The following GUCY2F variants were observed in gnomAD, a reference collection of about 807,000 sequenced individuals.
GUCY2F encodes the protein retinal guanylyl cyclase 2.
In GUCY2F, 61 loss-of-function variants were observed where a neutral mutation model predicts 73.1. The observed-to-expected ratio is 0.83, with a 90% CI of 0.68 to 1.03. The LOEUF (loss-of-function observed/expected upper bound fraction) is 1.03. GUCY2F is among the 50% of genes least tolerant of loss of function. GUCY2F has a pLI of 0.00. For missense variants in GUCY2F, 912 were observed against 854.3 expected (o/e 1.07, Z -0.84); for synonymous variants, 331 against 307.8 (o/e 1.08, Z -0.79).
At chrX:109,464,288 A>T (rs1932421961) in intron 3 of GUCY2F, among the ~76,000 whole-genome samples, 1 of 108,057 alleles carries the variant, frequency 9.3e-6, no homozygotes, top group Admixed American at 9.8e-5. Flanking sequence ...TCCCCTCCTC[A>T]CTCCTTTTTC....
At chrX:109,413,938 A>C (rs1354290698) in intron 8 of GUCY2F, among the ~76,000 whole-genome samples, 1 of 109,810 alleles carries the variant, frequency 9.1e-6, no homozygotes, top group Non-Finnish European at 1.9e-5. Context: ...TTGACAAGAA[A>C]ATTTTCTTTC....
chrX:109,383,113 TCA>T (rs1930356819), intron 16 of GUCY2F, among the ~76,000 whole-genome samples: 1 of 111,958 alleles, frequency 8.9e-6, no homozygotes, highest in Non-Finnish European at 1.9e-5. Context: ...CTGTGTATAC[TCA>T]CAGTGACTTT....
At chrX:109,453,118 AT>A (rs1188030590) in intron 4 of GUCY2F, among the ~76,000 whole-genome samples, 2 of 111,663 alleles carry the variant, frequency 1.8e-5, no homozygotes, top group African/African-American at 6.5e-5. Context: ...GTAGGACCTG[AT>A]TGGCAGGATT....
chrX:109,407,536 C>T (rs138745558), intron 9 of GUCY2F, among the ~76,000 whole-genome samples: 90 of 113,101 alleles, frequency 8.0e-4, no homozygotes, highest in African/African-American at 2.8e-3. Flanking sequence ...ATCCACAAGA[C>T]CATGGGGAAC....
At chrX:109,428,868 A>C (rs899166013) in intron 8 of GUCY2F, among the ~76,000 whole-genome samples, 1 of 112,182 alleles carries the variant, frequency 8.9e-6, no homozygotes, top group Admixed American at 9.4e-5. Context: ...ATTATTATTG[A>C]AGCTTTTTGT....
In GUCY2F at chrX:109,448,164, G is replaced by T; in HGVS notation, c.1474C>A (p.Arg492Ser). The T allele has an allele frequency of 9.9e-7, 1 of 1,005,483 alleles. No individual in the cohort carries two copies. The highest frequency in any genetic ancestry group is 1.4e-6 in the Non-Finnish European group (1 of 709,231). The allele number at this position is 1,005,483 out of a possible 1,213,427, so 82.9% of individuals were successfully genotyped here. A position where few individuals can be genotyped will look rare whatever the true frequency, so the allele number is the denominator to read the frequency against. Residue 492 changes from arginine (R) to serine (S), a missense_variant and splice_region_variant, in exon 6 of 20, where the codon CGT becomes AGT. By Grantham distance (110) the Arg-to-Ser change is moderately radical. Coordinates refer to ENST00000218006, the MANE Select transcript of GUCY2F (RefSeq NM_001522.3). ...ATCAACTGGATTTTATTTATACGAC[G>T]CCTAAAACAAACATGAAATCAGAGG... ...SINGFAYFIRRRINKIQLIKG... is the reference protein window; with the variant it reads ...SINGFAYFIRSRINKIQLIKG...
intron 15 of GUCY2F, among the ~76,000 whole-genome samples, chrX:109,387,924 C>T (rs979168495): frequency 7.2e-5 from 8 of 111,228 alleles, no homozygotes; most frequent in African/African-American, 2.0e-4. Flanking sequence ...AGACAAGGAC[C>T]GGGGAAAGTG....
chrX:109,470,062 T>C (rs1235400636), intron 2 of GUCY2F, among the ~76,000 whole-genome samples: 1 of 112,077 alleles, frequency 8.9e-6, no homozygotes, highest in Non-Finnish European at 1.9e-5. Context: ...TCCATCTGCA[T>C]CAGACCATGT....
chrX:109,456,363 C>T (rs918203047), intron 3 of GUCY2F, among the ~76,000 whole-genome samples: 11 of 112,025 alleles, frequency 9.8e-5, no homozygotes, highest in African/African-American at 3.6e-4. Context: ...CACACACACA[C>T]ACACAGGGCA....
chrX:109,404,465 T>C lies in GUCY2F; in HGVS notation c.1988A>G (p.His663Arg). 1.3e-5 allele frequency: 15 copies of C among 1,189,964 alleles called. No homozygotes were observed. Among genetic ancestry groups the C allele is most frequent in the Non-Finnish European group, 1.7e-5 (15 of 876,865 alleles). The change falls in exon 10 of 20, where the codon CAC (histidine) becomes CGC (arginine). Residue 663 changes from histidine (H) to arginine (R), a missense_variant. His to Arg is a conservative substitution (Grantham distance 29, BLOSUM62 0). Transcript: ENST00000218006. ...TAGCCTCCCATGAACAAACTCTCTG[T>C]GGTGTAAGTACTTCATGCCCTGTAG... ...DLIKGMKYLH[H>R]REFVHGRLKS... is the part of the protein sequence containing the mutation.
At chrX:109,382,095 C>CA (rs773399715) in intron 17 of GUCY2F, 23 bp downstream of exon 17, 8 of 975,438 alleles carry the variant, frequency 8.2e-6, no homozygotes, top group African/African-American at 1.9e-5. Flanking sequence ...TAGTCTGGCT[C>CA]AAAAAACAAA....
chrX:109,430,302 C>G lies in GUCY2F; in HGVS notation c.1791+5G>C. The G allele has an allele frequency of 1.1e-6, 1 of 923,073 alleles. No homozygotes were observed. Among genetic ancestry groups the G allele is most frequent in the Non-Finnish European group, 1.6e-6 (1 of 635,773 alleles). The allele number at this position is 923,073 out of a possible 1,213,427, so 76.1% of individuals were successfully genotyped here. On this transcript the variant is annotated splice_donor_5th_base_variant and intron_variant, in intron 8 of 19. Transcript: ENST00000218006. ...GGAATTTACATAAACGAAGATTTCTCATACCATTTCGAACACATCACTTGC... is the reference window on the plus strand; with the variant it reads ...GGAATTTACATAAACGAAGATTTCTGATACCATTTCGAACACATCACTTGC...
intron 8 of GUCY2F, among the ~76,000 whole-genome samples, chrX:109,413,851 G>T (rs1017271541): frequency 1.8e-5 from 2 of 111,504 alleles, no homozygotes; most frequent in African/African-American, 6.5e-5. Context: ...CCTAGAGGTG[G>T]GTATGTATAC....
chrX:109,402,880 A>G (rs111690515), intron 10 of GUCY2F, among the ~76,000 whole-genome samples: 1,466 of 111,966 alleles, frequency 0.013, 24 homozygotes, highest in African/African-American at 0.045. Flanking sequence ...AAGTCCAGAT[A>G]CCACCAATGA....
rs146903408 is a variant in GUCY2F at position 109,453,758 on chromosome X, C to A, written c.1134G>T (p.Leu378=). Residue 378 remains leucine, a synonymous_variant, in exon 4 of 20, where the codon CTG becomes CTT. Transcript: ENST00000218006. The part of the protein sequence containing the change: ...KENGQAGAAS[L]VQHSRNMQFH... ...ACTGCATGTTTCTGGAATGCTGAAC[C>A]AGGCTGGCAGCACCAGCCTGTCCAT... 126 of 1,199,950 alleles carry A rather than the reference C, an allele frequency of 1.1e-4. No homozygotes were observed. The African/African-American group carries it at 2.1e-3, about 20-fold the overall frequency.
intron 8 of GUCY2F, among the ~76,000 whole-genome samples, chrX:109,411,079 T>C (rs373656502): frequency 9.2e-4 from 101 of 109,885 alleles, no homozygotes; most frequent in African/African-American, 3.2e-3. Context: ...AAAGACTCCA[T>C]GATCACTCCC....
At chrX:109,474,404 A>G (rs1251156833) in intron 2 of GUCY2F, among the ~76,000 whole-genome samples, 11 of 111,622 alleles carry the variant, frequency 9.9e-5, no homozygotes, top group Non-Finnish European at 3.8e-5. Context: ...AGGGCTTGCC[A>G]TAAGTGTGAG....
chrX:109,428,081 T>C (rs1931527969), intron 8 of GUCY2F, among the ~76,000 whole-genome samples: 1 of 112,351 alleles, frequency 8.9e-6, no homozygotes, highest in Non-Finnish European at 1.9e-5. Context: ...TATAATAAAA[T>C]GTCAACCAGT....
At chrX:109,467,732 G>A (rs933575309) in intron 2 of GUCY2F, among the ~76,000 whole-genome samples, 1 of 111,806 alleles carries the variant, frequency 8.9e-6, no homozygotes, top group African/African-American at 3.3e-5. Context: ...AGTGTGCTGG[G>A]GTTCGCTTTT....
Sources: allele counts gnomAD v4.1 joint callset (sites outside exome capture counted in the v4.1 genomes callset), GRCh38; gene constraint gnomAD v4.1.1; transcripts MANE v1.5; gene names NCBI Gene and HGNC (gene_info 2026-07-23, HGNC 2026-07-21).